FAAH2: variants seen among roughly 807,000 people sequenced by gnomAD.
The protein encoded by FAAH2 is fatty-acid amide hydrolase 2.
A neutral mutation model predicts 36.9 loss-of-function variants in FAAH2; 60 were observed. The ratio of observed to expected loss-of-function variants is 1.63; its 90% CI spans 1.32 to 2.02. The LOEUF (loss-of-function observed/expected upper bound fraction) is 2.02. FAAH2 is among the 30% of genes most tolerant of loss of function. The pLI, the probability that FAAH2 is intolerant of heterozygous loss-of-function variation, is 0.00. For missense variants in FAAH2, 689 were observed against 397.5 expected, an observed-to-expected ratio of 1.73 and a Z score of -6.23; for synonymous variants, 214 against 143.8, an observed-to-expected ratio of 1.49 and a Z score of -3.49.
chrX:57,349,449 A>G (rs2053936811), intron 5 of FAAH2, among the ~76,000 whole-genome samples: 1 of 99,119 alleles, frequency 1.0e-5, no homozygotes, highest in African/African-American at 3.7e-5. Context: ...ATACACATAG[A>G]TACATATATA....
the FAAH2 span, among the ~76,000 whole-genome samples, chrX:57,239,116 T>A: frequency 8.9e-6 from 1 of 112,124 alleles, no homozygotes. Context: ...ATGTCTTTGC[T>A]ATTGCAAATA....
chrX:57,310,752 T>A, intron 3 of FAAH2, 23 bp downstream of exon 3: 1 of 1,172,066 alleles, frequency 8.5e-7, no homozygotes, highest in African/African-American at 1.8e-5. Context: ...TATTTTTGGC[T>A]ACATGAGTTT....
chrX:57,372,364 C>T (rs2054573701), intron 5 of FAAH2, among the ~76,000 whole-genome samples: 1 of 110,548 alleles, frequency 9.0e-6, no homozygotes, highest in Non-Finnish European at 1.9e-5. Flanking sequence ...GATGGTATTT[C>T]TTGGTGGTTT....
chrX:57,459,179 C>T (rs1160466110), intron 10 of FAAH2, among the ~76,000 whole-genome samples: 2 of 112,263 alleles, frequency 1.8e-5, no homozygotes, highest in Non-Finnish European at 3.8e-5. Flanking sequence ...CTTGACTAGG[C>T]AGTTTTCCCC....
intron 10 of FAAH2, among the ~76,000 whole-genome samples, chrX:57,459,315 G>T (rs1244934949): frequency 8.9e-6 from 1 of 112,307 alleles, no homozygotes; most frequent in African/African-American, 3.2e-5. Flanking sequence ...TGAAAGAAAG[G>T]CAGCAGCCCC....
the FAAH2 span, among the ~76,000 whole-genome samples, chrX:57,279,418 C>A: frequency 8.9e-6 from 1 of 111,867 alleles, no homozygotes; most frequent in Non-Finnish European, 1.9e-5. Context: ...CACATGGACA[C>A]AGGGAAGGGA....
the FAAH2 span, among the ~76,000 whole-genome samples, chrX:57,132,946 G>T: frequency 1.8e-5 from 2 of 111,825 alleles, no homozygotes; most frequent in Admixed American, 1.9e-4. Context: ...CCTCAAACAT[G>T]CCAGGCCTAA....
intron 10 of FAAH2, among the ~76,000 whole-genome samples, chrX:57,462,763 G>A (rs71653956): frequency 3.6e-5 from 4 of 112,279 alleles, no homozygotes; most frequent in African/African-American, 6.5e-5. Context: ...CAAGGATGCC[G>A]TCTCTCACCA....
intron 2 of FAAH2, among the ~76,000 whole-genome samples, chrX:57,295,277 T>A (rs2052102462): frequency 8.9e-6 from 1 of 112,341 alleles, no homozygotes; most frequent in South Asian, 3.7e-4. Context: ...AATCAACTAC[T>A]GTTGCCTGGA....
At chrX:57,223,370 A>C in the FAAH2 span, among the ~76,000 whole-genome samples, 1 of 111,792 alleles carries the variant, frequency 8.9e-6, no homozygotes, top group Non-Finnish European at 1.9e-5. Flanking sequence ...CAAAACCTTC[A>C]AAAGCAAGGA....
chrX:57,273,410 C>G, the FAAH2 span, among the ~76,000 whole-genome samples: 186 of 111,587 alleles, frequency 1.7e-3, 1 homozygote, highest in African/African-American at 5.9e-3. Flanking sequence ...AGCAAGCCGA[C>G]CTAATAGACT....
At chrX:57,160,554 C>G in the FAAH2 span, among the ~76,000 whole-genome samples, 3 of 111,972 alleles carry the variant, frequency 2.7e-5, no homozygotes, top group South Asian at 3.7e-4. Context: ...CAACTTCTTC[C>G]TGGTTTAGTC....
intron 10 of FAAH2, among the ~76,000 whole-genome samples, chrX:57,461,086 A>G (rs1290220557): frequency 9.0e-6 from 1 of 111,145 alleles, no homozygotes; most frequent in Non-Finnish European, 1.9e-5. Context: ...TGATCAATGT[A>G]AAAAGAAGAG....
intron 10 of FAAH2, among the ~76,000 whole-genome samples, chrX:57,479,749 T>C (rs1158012638): frequency 1.8e-5 from 2 of 111,988 alleles, no homozygotes; most frequent in South Asian, 3.8e-4. Context: ...GATAATCATG[T>C]GGTTTTTGTC....
the FAAH2 span, among the ~76,000 whole-genome samples, chrX:57,223,687 A>G: frequency 8.9e-6 from 1 of 111,787 alleles, no homozygotes; most frequent in African/African-American, 3.3e-5. Flanking sequence ...CGGCTCCACT[A>G]TCTTCTAGTC....
At chrX:57,479,614 G>A (rs2057339898) in intron 10 of FAAH2, among the ~76,000 whole-genome samples, 1 of 111,198 alleles carries the variant, frequency 9.0e-6, no homozygotes, top group South Asian at 3.8e-4. Context: ...TAGTATATTG[G>A]CTGTGGGTTT....
chrX:57,329,217 C>G (rs2053322393), intron 3 of FAAH2, among the ~76,000 whole-genome samples: 2 of 112,092 alleles, frequency 1.8e-5, no homozygotes, highest in South Asian at 3.7e-4. Context: ...AGGTGGCCAT[C>G]ATGCAGGTGT....
intron 2 of FAAH2, among the ~76,000 whole-genome samples, chrX:57,303,263 G>A (rs2052430009): frequency 9.0e-6 from 1 of 111,590 alleles, no homozygotes; most frequent in Non-Finnish European, 1.9e-5. Context: ...CATCAGTATT[G>A]GTAGGACTTG....
chrX:57,283,077 G>A (rs1467818185), upstream of FAAH2, among the ~76,000 whole-genome samples: 1 of 112,221 alleles, frequency 8.9e-6, no homozygotes, highest in African/African-American at 3.2e-5. Flanking sequence ...CTGCGTTTTT[G>A]GCCCAAGCCA....
Sources: allele counts gnomAD v4.1 joint callset (sites outside exome capture counted in the v4.1 genomes callset), GRCh38; gene constraint gnomAD v4.1.1; transcripts MANE v1.5; gene names NCBI Gene and HGNC (gene_info 2026-07-23, HGNC 2026-07-21).